ABL1: variants seen among roughly 807,000 people sequenced by gnomAD.
ABL1 encodes ABL proto-oncogene 1, non-receptor tyrosine kinase.
ABL1 carries 11 observed loss-of-function variants against 94.7 expected under a neutral mutation model. That is an observed-to-expected ratio of 0.12 (90% CI 0.07 to 0.19). ABL1 has a LOEUF of 0.19. ABL1 is among the 10% of genes least tolerant of loss of function. ABL1 has a pLI of 1.00. For missense variants in ABL1, 1,082 were observed against 1,489.4 expected (o/e 0.73, Z 4.50); for synonymous variants, 656 against 622.4 (o/e 1.05, Z -0.80).
chr9:130,785,796 G>T (rs1169060539), intron 1 of ABL1, among the ~76,000 whole-genome samples: 1 of 151,790 alleles, frequency 6.6e-6, no homozygotes, highest in East Asian at 1.9e-4. Flanking sequence ...GGTGGTGCAT[G>T]CCTGTAATCC....
intron 1 of ABL1, among the ~76,000 whole-genome samples, chr9:130,745,105 G>T (rs1436823717): frequency 6.7e-6 from 1 of 149,768 alleles, no homozygotes; most frequent in African/African-American, 2.5e-5. Context: ...TTTGAGGGGG[G>T]CAGAGTTTTG....
intron 1 of ABL1, among the ~76,000 whole-genome samples, chr9:130,825,786 C>T (rs36015564): frequency 0.055 from 8,359 of 152,200 alleles, 329 homozygotes; most frequent in Non-Finnish European, 0.081. Flanking sequence ...TAAGAATATC[C>T]CAAACCATTT....
chr9:130,869,270 A>G (rs1178053205), intron 4 of ABL1, among the ~76,000 whole-genome samples: 1 of 152,248 alleles, frequency 6.6e-6, no homozygotes, highest in Non-Finnish European at 1.5e-5. Flanking sequence ...TTTGTTTTCT[A>G]CAAGCTATCT....
upstream of ABL1, among the ~76,000 whole-genome samples, chr9:130,834,294 C>G (rs1251833350): frequency 6.6e-6 from 1 of 152,174 alleles, no homozygotes; most frequent in Non-Finnish European, 1.5e-5. Context: ...GTGATTAACA[C>G]CATTTATGAA....
At chr9:130,778,642 A>G (rs1427283521) in intron 1 of ABL1, among the ~76,000 whole-genome samples, 1 of 151,534 alleles carries the variant, frequency 6.6e-6, no homozygotes, top group African/African-American at 2.4e-5. Flanking sequence ...TTTGCCAAGC[A>G]ATGCTTGCCC....
At chr9:130,818,992 C>T (rs1456373462) in intron 1 of ABL1, among the ~76,000 whole-genome samples, 2 of 152,160 alleles carry the variant, frequency 1.3e-5, no homozygotes, top group East Asian at 3.8e-4. Context: ...CTTTGCAGTT[C>T]TTTCAGTGTC....
chr9:130,721,031 G>C (rs1441971713), intron 1 of ABL1, among the ~76,000 whole-genome samples: 1 of 149,418 alleles, frequency 6.7e-6, no homozygotes, highest in East Asian at 2.0e-4. Flanking sequence ...TTACCATCAG[G>C]TAAAACCACT....
intron 1 of ABL1, among the ~76,000 whole-genome samples, chr9:130,732,124 C>T (rs1831673989): frequency 1.3e-5 from 2 of 151,258 alleles, no homozygotes; most frequent in South Asian, 4.2e-4. Flanking sequence ...TTTTTTTTAA[C>T]AGACTAGCTA....
chr9:130,882,934 T>C (rs1483150231), intron 10 of ABL1, among the ~76,000 whole-genome samples: 2 of 152,054 alleles, frequency 1.3e-5, no homozygotes, highest in African/African-American at 2.4e-5. Context: ...CCCAGCACTT[T>C]AGGAGGCCGA....
intron 1 of ABL1, among the ~76,000 whole-genome samples, chr9:130,850,932 G>GT (rs1402749221): frequency 2.6e-5 from 4 of 151,420 alleles, no homozygotes; most frequent in Admixed American, 2.0e-4. Context: ...TTGTTTGTTT[G>GT]TTTGTTTTTT....
chr9:130,752,483 G>C (rs1218702665), intron 1 of ABL1, among the ~76,000 whole-genome samples: 1 of 152,160 alleles, frequency 6.6e-6, no homozygotes, highest in African/African-American at 2.4e-5. Flanking sequence ...GTTGCTATGA[G>C]GGTGAAGTAT....
At position 130,870,108 on chromosome 9, in the gene ABL1, C is replaced by T. The variant is rs182972591; in HGVS notation, c.823-2021C>T. On this transcript the variant is annotated intron_variant, in intron 4 of 10. Transcript: ENST00000318560. ...GATTACAGGCATGAGCCACCACACT[C>T]GGCCAGCTGTTGTTAATAGTTAAAA... Among the ~76,000 whole-genome samples, 10 of 152,352 alleles carry T rather than the reference C, an allele frequency of 6.6e-5. No homozygotes were observed. In the South Asian group the frequency reaches 1.5e-3, roughly 22 times the overall value.
intron 1 of ABL1, chr9:130,714,514 CA>C (rs1245341262): frequency 6.2e-7 from 1 of 1,610,424 alleles, no homozygotes; most frequent in Non-Finnish European, 8.5e-7. Flanking sequence ...CTTAGGCCTT[CA>C]AGGAACTTTG....
chr9:130,796,920 CA>C (rs10607745), intron 1 of ABL1, among the ~76,000 whole-genome samples: 1,127 of 60,734 alleles, frequency 0.019, 4 homozygotes, highest in South Asian at 0.023. Context: ...AACTTCATCT[CA>C]AAAAAAAAAA....
At chr9:130,871,237 G>A (rs1831247319) in intron 4 of ABL1, among the ~76,000 whole-genome samples, 2 of 152,206 alleles carry the variant, frequency 1.3e-5, no homozygotes, top group African/African-American at 4.8e-5. Context: ...TCAGTAGACA[G>A]TAGCATTTTT....
At chr9:130,792,699 G>C (rs1829925222) in intron 1 of ABL1, among the ~76,000 whole-genome samples, 1 of 152,148 alleles carries the variant, frequency 6.6e-6, no homozygotes, top group Non-Finnish European at 1.5e-5. Context: ...TGGCAAATTT[G>C]ATCGTATGAC....
intron 1 of ABL1, among the ~76,000 whole-genome samples, chr9:130,738,191 A>G (rs1284225255): frequency 2.0e-5 from 3 of 152,158 alleles, no homozygotes; most frequent in Non-Finnish European, 4.4e-5. Context: ...GACCAAGGAA[A>G]TTGTAGTCTC....
intron 1 of ABL1, among the ~76,000 whole-genome samples, chr9:130,851,770 T>G (rs1039620919): frequency 1.6e-4 from 23 of 148,380 alleles, no homozygotes; most frequent in Non-Finnish European, 3.0e-4. Flanking sequence ...CTTTTTCTTT[T>G]TTTTTTTTTT....
Position 130,862,903 on chromosome 9 carries a change from C to G in ABL1, c.690C>G (p.Pro230=). The change falls in exon 4 of 11, where the codon CCC becomes CCG. Residue 230 remains proline, a synonymous_variant. Coordinates refer to ENST00000318560, the MANE Select transcript of ABL1 (RefSeq NM_005157.6). This position sits in a 1 kb window ranked among gnomAD's most constrained non-coding sequence, Gnocchi z 5.5. Reference sequence around the variant, plus strand: ...AGCCCACTGTCTATGGTGTGTCCCCCAACTACGACAAGTGGGAGATGGAAC... The same window carrying G: ...AGCCCACTGTCTATGGTGTGTCCCCGAACTACGACAAGTGGGAGATGGAAC... ...RNKPTVYGVS[P]NYDKWEMERT... 1 of 1,614,184 alleles carries G rather than the reference C, an allele frequency of 6.2e-7. No individual in the cohort carries two copies. The highest frequency in any genetic ancestry group is 1.1e-5 in the South Asian group (1 of 91,070).
Sources: gnomAD v4.1 joint callset for allele counts (sites outside exome capture counted in the v4.1 genomes callset) on GRCh38, gnomAD v4.1.1 for gene constraint, Gnocchi (gnomAD v3.1) non-coding constraint, MANE v1.5 for transcripts, NCBI Gene and HGNC (gene_info 2026-07-23, HGNC 2026-07-21) for gene names.